The following FHIT variants were observed in gnomAD, a reference collection of about 807,000 sequenced individuals.
FHIT encodes the protein bis(5'-adenosyl)-triphosphatase.
A neutral mutation model predicts 17.9 loss-of-function variants in FHIT; 19 were observed. The ratio of observed to expected loss-of-function variants is 1.06; its 90% CI spans 0.74 to 1.56. FHIT has a LOEUF of 1.56. Ranked by LOEUF, FHIT falls within the 40% of genes most tolerant of loss-of-function variation. FHIT has a pLI of 0.00. For synonymous variants in FHIT, 81 were observed against 69.7 expected, an observed-to-expected ratio of 1.16 and a Z score of -0.81; for missense variants, 248 against 189.2, an observed-to-expected ratio of 1.31 and a Z score of -1.82.
chr3:60,654,632 A>G (rs1467994312), intron 4 of FHIT, among the ~76,000 whole-genome samples: 5 of 152,232 alleles, frequency 3.3e-5, no homozygotes. Flanking sequence ...TAAAAGGTGG[A>G]ATGATTTTGA....
chr3:60,320,680 A>C (rs1473620805), intron 5 of FHIT, among the ~76,000 whole-genome samples: 1 of 152,176 alleles, frequency 6.6e-6, no homozygotes, highest in Admixed American at 6.5e-5. Flanking sequence ...CTTACCCAAA[A>C]ACATCCAATC....
At chr3:60,435,020 A>G (rs1259071381) in intron 5 of FHIT, among the ~76,000 whole-genome samples, 2 of 152,180 alleles carry the variant, frequency 1.3e-5, no homozygotes, top group Non-Finnish European at 2.9e-5. Context: ...CCAAACAAAT[A>G]AATCTAAAGT....
chr3:60,242,156 G>C (rs1705161456), intron 5 of FHIT, among the ~76,000 whole-genome samples: 1 of 152,038 alleles, frequency 6.6e-6, no homozygotes, highest in South Asian at 2.1e-4. Flanking sequence ...AGCTTCTCCA[G>C]TATGAATAAG....
Position 60,180,313 on chromosome 3 carries a change from T to C in FHIT, c.104-166161A>G, listed in dbSNP as rs539082359. On this transcript the variant is annotated intron_variant, in intron 5 of 9. Transcript: ENST00000492590. The stretch of plus-strand genomic sequence containing the variant: ...CCAACTTGTGCTTATGCTGAAGTTA[T>C]AAAAAGGAGAAAGAGAAAAACTTCA... 3.2e-3 allele frequency among the ~76,000 whole-genome samples: 486 copies of C among 152,226 alleles called. 2 individuals are homozygous for C. Among genetic ancestry groups the C allele is most frequent in the Non-Finnish European group, 5.5e-3 (376 of 68,014 alleles).
chr3:60,673,274 G>A (rs1348596649), intron 4 of FHIT, among the ~76,000 whole-genome samples: 1 of 152,090 alleles, frequency 6.6e-6, no homozygotes, highest in African/African-American at 2.4e-5. Flanking sequence ...AATGCGGGTT[G>A]ACTAGCAGTA....
rs146501644 is a variant in FHIT at position 60,472,190 on chromosome 3, G to A, written c.103+64670C>T. Among the ~76,000 whole-genome samples, 841 of 151,148 alleles carry A rather than the reference G, an allele frequency of 5.6e-3. 4 individuals are homozygous for A. Among genetic ancestry groups the A allele is most frequent in the African/African-American group, 0.019 (802 of 41,242 alleles). ...AAAAAGAGCAAAAACAACAGCAAGA[G>A]GAAAGATATATATTTAAGAAAAAAG... On this transcript the variant is annotated intron_variant, in intron 5 of 9. Coordinates refer to ENST00000492590, the MANE Select transcript of FHIT (RefSeq NM_002012.4).
chr3:61,190,502 C>T (rs996457387), intron 2 of FHIT, among the ~76,000 whole-genome samples: 9 of 152,120 alleles, frequency 5.9e-5, no homozygotes, highest in Non-Finnish European at 1.2e-4. Context: ...ACTAGTTCAA[C>T]CATTGTGGAA....
intron 5 of FHIT, among the ~76,000 whole-genome samples, chr3:60,503,381 A>G (rs2034599253): frequency 6.6e-6 from 1 of 152,154 alleles, no homozygotes; most frequent in South Asian, 2.1e-4. Context: ...ATTTATTATC[A>G]TAACATTTAC....
intron 5 of FHIT, among the ~76,000 whole-genome samples, chr3:60,072,306 A>G (rs1287579537): frequency 6.6e-6 from 1 of 152,192 alleles, no homozygotes; most frequent in African/African-American, 2.4e-5. Flanking sequence ...GACTCCTTCT[A>G]GATGATTTGG....
chr3:60,039,178 A>C (rs1050903569), intron 5 of FHIT, among the ~76,000 whole-genome samples: 1 of 152,218 alleles, frequency 6.6e-6, no homozygotes, highest in African/African-American at 2.4e-5. Context: ...CAAGGTAGCC[A>C]GACTTATCAT....
intron 2 of FHIT, among the ~76,000 whole-genome samples, chr3:61,123,262 AAC>A: frequency 6.6e-6 from 1 of 152,318 alleles, no homozygotes; most frequent in African/African-American, 2.4e-5. Flanking sequence ...CAGAAAACCA[AAC>A]ACTGCAAATT....
At chr3:59,770,137 A>T (rs1027473616) in intron 8 of FHIT, among the ~76,000 whole-genome samples, 20 of 152,358 alleles carry the variant, frequency 1.3e-4, no homozygotes, top group African/African-American at 4.8e-4. Context: ...AAGTTCCCAC[A>T]CTAATAAGGC....
chr3:61,216,368 A>G (rs1375086128), intron 1 of FHIT, among the ~76,000 whole-genome samples: 1 of 152,242 alleles, frequency 6.6e-6, no homozygotes, highest in Non-Finnish European at 1.5e-5. Context: ...GAAGACATTT[A>G]TGCAGCCAAA....
At chr3:60,985,336 A>G (rs1710673689) in intron 3 of FHIT, among the ~76,000 whole-genome samples, 1 of 152,082 alleles carries the variant, frequency 6.6e-6, no homozygotes, top group Non-Finnish European at 1.5e-5. Context: ...AAAGTAATAT[A>G]CTTACAGTGG....
intron 5 of FHIT, among the ~76,000 whole-genome samples, chr3:60,118,616 C>T (rs1426637288): frequency 1.3e-5 from 2 of 151,868 alleles, no homozygotes; most frequent in Non-Finnish European, 2.9e-5. Flanking sequence ...CAAGGTCACA[C>T]AGTGAATTAA....
At chr3:60,219,418 C>A (rs925166885) in intron 5 of FHIT, among the ~76,000 whole-genome samples, 1 of 152,032 alleles carries the variant, frequency 6.6e-6, no homozygotes, top group Non-Finnish European at 1.5e-5. Context: ...AAATTCTACC[C>A]AAAGTCAACA....
chr3:60,777,702 G>A (rs1192093606), intron 4 of FHIT, among the ~76,000 whole-genome samples: 3 of 152,184 alleles, frequency 2.0e-5, no homozygotes, highest in Non-Finnish European at 4.4e-5. Flanking sequence ...TATATTTTGA[G>A]GTAAAACATT....
intron 8 of FHIT, among the ~76,000 whole-genome samples, chr3:59,756,394 C>T (rs1006934419): frequency 6.6e-6 from 1 of 152,100 alleles, no homozygotes; most frequent in African/African-American, 2.4e-5. Flanking sequence ...ATCGAGGCTT[C>T]TCATGGTAAA....
At chr3:61,237,293 T>C (rs1048301495) in intron 1 of FHIT, among the ~76,000 whole-genome samples, 1 of 152,234 alleles carries the variant, frequency 6.6e-6, no homozygotes, top group East Asian at 1.9e-4. Context: ...TTAATATTTA[T>C]CATTTTTCTG....
Sources: allele counts gnomAD v4.1 joint callset (sites outside exome capture counted in the v4.1 genomes callset), GRCh38; gene constraint gnomAD v4.1.1; transcripts MANE v1.5; gene names NCBI Gene and HGNC (gene_info 2026-07-23, HGNC 2026-07-21).